Variants in NRCAM observed in about 807,000 individuals in gnomAD.
NRCAM encodes NgCAM-related cell adhesion molecule.
NRCAM carries 83 observed loss-of-function variants against 156.5 expected under a neutral mutation model. The observed-to-expected ratio is 0.53, with a 90% CI of 0.44 to 0.64. NRCAM has a LOEUF of 0.64. NRCAM is among the 30% of genes least tolerant of loss of function. NRCAM has a pLI of 0.00. For synonymous variants in NRCAM, 538 were observed against 563.9 expected, an observed-to-expected ratio of 0.95 and a Z score of 0.65; for missense variants, 1,417 against 1,597.3, an observed-to-expected ratio of 0.89 and a Z score of 1.92.
intron 3 of NRCAM, among the ~76,000 whole-genome samples, chr7:108,242,513 C>G (rs921549482): frequency 6.6e-6 from 1 of 152,096 alleles, no homozygotes; most frequent in South Asian, 2.1e-4. Context: ...ATCATTTAGT[C>G]AAATTTAATT....
At chr7:108,233,575 G>A (rs1413129121) in intron 6 of NRCAM, among the ~76,000 whole-genome samples, 2 of 152,162 alleles carry the variant, frequency 1.3e-5, no homozygotes, top group African/African-American at 4.8e-5. Context: ...CTCATCAAGG[G>A]ATACCACATC....
chr7:108,388,478 G>A (rs1427028311), intron 2 of NRCAM, among the ~76,000 whole-genome samples: 1 of 152,200 alleles, frequency 6.6e-6, no homozygotes, highest in Non-Finnish European at 1.5e-5. Flanking sequence ...CAGATGGGTA[G>A]ATTGCAAAAA....
chr7:108,354,963 AC>A (rs950698789), intron 2 of NRCAM, among the ~76,000 whole-genome samples: 38 of 152,212 alleles, frequency 2.5e-4, no homozygotes, highest in African/African-American at 8.7e-4. Flanking sequence ...CTAAAATAAT[AC>A]AACATACAAA....
intron 2 of NRCAM, among the ~76,000 whole-genome samples, chr7:108,338,561 AGAG>A: frequency 6.7e-6 from 1 of 150,350 alleles, no homozygotes; most frequent in African/African-American, 2.5e-5. Context: ...TGAGAGAGAG[AGAG>A]ACAGAGTGAG....
chr7:108,455,414 C>A (rs116172765), intron 1 of NRCAM, among the ~76,000 whole-genome samples: 2,390 of 152,242 alleles, frequency 0.016, 57 homozygotes, highest in African/African-American at 0.054. Flanking sequence ...GATGCCAGAT[C>A]CCACCGCTAA....
intron 10 of NRCAM, 46 bp from the exon 11 acceptor site, chr7:108,223,882 T>C: frequency 1.1e-6 from 1 of 909,882 alleles, no homozygotes; most frequent in Non-Finnish European, 1.8e-6. Flanking sequence ...TAAATATGTA[T>C]TTCTATAAAC....
intron 3 of NRCAM, among the ~76,000 whole-genome samples, chr7:108,301,886 C>T (rs139827922): frequency 6.6e-6 from 1 of 152,222 alleles, no homozygotes; most frequent in Non-Finnish European, 1.5e-5. Context: ...CTTTAGGACA[C>T]TATTTCTGAG....
In NRCAM at chr7:108,312,480, C is replaced by A. The variant is rs555137858; in HGVS notation, c.-107+185G>T. On this transcript the variant is annotated intron_variant, in intron 3 of 32. Coordinates refer to ENST00000379028, the MANE Select transcript of NRCAM (RefSeq NM_001037132.4). ...TGGTTTACTTCCCTATGTATTTGAT[C>A]TATCTTCTTTGACATTGGTATGATT... is the stretch of plus-strand genomic sequence containing the variant. Among the ~76,000 whole-genome samples the A allele has an allele frequency of 7.2e-5, 11 of 152,178 alleles. No individual in the cohort carries two copies. In the South Asian group the frequency reaches 2.1e-3, roughly 29 times the overall value.
chr7:108,367,202 A>G (rs1016290496), intron 2 of NRCAM, among the ~76,000 whole-genome samples: 11 of 152,202 alleles, frequency 7.2e-5, no homozygotes, highest in African/African-American at 1.9e-4. Flanking sequence ...CTTGGATCCA[A>G]TCAAATATTT....
intron 3 of NRCAM, among the ~76,000 whole-genome samples, chr7:108,268,609 G>A (rs951233459): frequency 1.6e-5 from 2 of 128,796 alleles, no homozygotes; most frequent in African/African-American, 6.0e-5. Flanking sequence ...AGAAATGAGC[G>A]GGGCGGGGGT....
At chr7:108,300,153 CTGT>C (rs1452191892) in intron 3 of NRCAM, among the ~76,000 whole-genome samples, 3 of 95,602 alleles carry the variant, frequency 3.1e-5, no homozygotes, top group Admixed American at 1.2e-4. Flanking sequence ...CCCCAAATTT[CTGT>C]TGACTTTTTT....
At chr7:108,225,529 T>C in intron 10 of NRCAM, 116 bp downstream of exon 10, 1 of 753,812 alleles carries the variant, frequency 1.3e-6, no homozygotes, top group South Asian at 1.5e-5. Flanking sequence ...TAGTGGTATT[T>C]AACATATAAC....
chr7:108,402,518 A>G (rs968717816), intron 1 of NRCAM, among the ~76,000 whole-genome samples: 2 of 152,224 alleles, frequency 1.3e-5, no homozygotes, highest in African/African-American at 2.4e-5. Context: ...TATTAAAAAT[A>G]AAAACACAAT....
intron 3 of NRCAM, among the ~76,000 whole-genome samples, chr7:108,307,909 G>A (rs2098742329): frequency 6.6e-6 from 1 of 152,174 alleles, no homozygotes; most frequent in Non-Finnish European, 1.5e-5. Flanking sequence ...AATACCCGCA[G>A]AACCTAGGCA....
intron 1 of NRCAM, among the ~76,000 whole-genome samples, chr7:108,435,799 C>T (rs1280638480): frequency 1.3e-5 from 2 of 152,202 alleles, no homozygotes; most frequent in African/African-American, 2.4e-5. Context: ...ACATCAAAGT[C>T]AAACTGTTGA....
At chr7:108,272,242 G>T (rs2097381535) in intron 3 of NRCAM, among the ~76,000 whole-genome samples, 1 of 152,128 alleles carries the variant, frequency 6.6e-6, no homozygotes, top group East Asian at 1.9e-4. Flanking sequence ...AGTCTAGTAG[G>T]AATCAAAGTT....
chr7:108,212,510 A>G (rs1207331634), intron 11 of NRCAM, among the ~76,000 whole-genome samples: 6 of 152,206 alleles, frequency 3.9e-5, no homozygotes, highest in Non-Finnish European at 7.3e-5. Context: ...TACAAGAAGC[A>G]AAGGGAGAAA....
intron 1 of NRCAM, among the ~76,000 whole-genome samples, chr7:108,426,314 C>T (rs920946212): frequency 6.6e-6 from 1 of 152,254 alleles, no homozygotes; most frequent in East Asian, 1.9e-4. Context: ...TAAAACATAC[C>T]TTCTTCATTA....
chr7:108,362,814 A>G (rs1231289266), intron 2 of NRCAM, among the ~76,000 whole-genome samples: 1 of 152,146 alleles, frequency 6.6e-6, no homozygotes, highest in Non-Finnish European at 1.5e-5. Flanking sequence ...GTTATCATGC[A>G]TTTCCGTATT....
Sources: gnomAD v4.1 joint callset for allele counts (sites outside exome capture counted in the v4.1 genomes callset) on GRCh38, gnomAD v4.1.1 for gene constraint, MANE v1.5 for transcripts, NCBI Gene and HGNC (gene_info 2026-07-23, HGNC 2026-07-21) for gene names.